The following DENND1A variants were observed in gnomAD, a reference collection of about 807,000 sequenced individuals.
DENND1A encodes DENN domain-containing protein 1A.
A neutral mutation model predicts 113.7 loss-of-function variants in DENND1A; 51 were observed. That is an observed-to-expected ratio of 0.45 (90% CI 0.36 to 0.57). DENND1A has a LOEUF of 0.57. DENND1A is among the 20% of genes least tolerant of loss of function. DENND1A has a pLI of 0.00. For synonymous variants in DENND1A, 565 were observed against 570.8 expected (o/e 0.99, Z 0.14); for missense variants, 1,258 against 1,395.9 (o/e 0.90, Z 1.57).
chr9:123,671,506 C>T, intron 6 of DENND1A, 135 bp from the exon 7 acceptor site: 2 of 798,214 alleles, frequency 2.5e-6, no homozygotes, highest in Non-Finnish European at 4.0e-6. Context: ...GTTTGATATT[C>T]ATGTAGGGTT....
intron 5 of DENND1A, among the ~76,000 whole-genome samples, chr9:123,726,726 G>A (rs2067737011): frequency 6.6e-6 from 1 of 152,230 alleles, no homozygotes; most frequent in African/African-American, 2.4e-5. Flanking sequence ...TCTTAAATAT[G>A]GATTTTTAGC....
rs150639785 is a variant in DENND1A at position 123,622,211 on chromosome 9, TG to T, written c.719+8164del. On this transcript the variant is annotated intron_variant, in intron 10 of 23. Transcript: ENST00000394215. ...CTTGGCTTTTGACCTGACTGTCCTTTGGGGGAAAAGCATGAGCTTGTCTTGA... is the reference window on the plus strand; with the variant it reads ...CTTGGCTTTTGACCTGACTGTCCTTTGGGGAAAAGCATGAGCTTGTCTTGA... Among the ~76,000 whole-genome samples, 212 of 152,338 alleles carry T rather than the reference TG, an allele frequency of 1.4e-3. 1 individual carries two copies. In the East Asian group the frequency reaches 0.035, roughly 25 times the overall value.
At chr9:123,806,780 G>T (rs1835651321) in intron 2 of DENND1A, among the ~76,000 whole-genome samples, 1 of 152,114 alleles carries the variant, frequency 6.6e-6, no homozygotes, top group South Asian at 2.1e-4. Flanking sequence ...CTGGAAAAAG[G>T]CCTAGCATAT....
At position 123,470,216 on chromosome 9, in the gene DENND1A, C is replaced by T. The variant is rs575057576; in HGVS notation, c.994-12319G>A. Among the ~76,000 whole-genome samples, 79 of 152,272 alleles carry T rather than the reference C, an allele frequency of 5.2e-4. 2 individuals are homozygous for T. The South Asian group carries it at 0.014, about 28-fold the overall frequency. On this transcript the variant is annotated intron_variant, in intron 13 of 23. Transcript: ENST00000394215. ...TACATAGGGTGAGTCCACAGTGCAG[C>T]GGTGGCGCAAGGTGAGAGCTGACAT...
chr9:123,548,299 C>T (rs553916994), intron 13 of DENND1A, among the ~76,000 whole-genome samples: 1 of 152,198 alleles, frequency 6.6e-6, no homozygotes. Context: ...CTGCAGTCCC[C>T]TTTACACTCC....
chr9:123,599,828 T>C (rs530301021), intron 11 of DENND1A, among the ~76,000 whole-genome samples: 2 of 152,344 alleles, frequency 1.3e-5, no homozygotes, highest in African/African-American at 4.8e-5. Context: ...CCAAATCAAT[T>C]ATTTTAGGTC....
chr9:123,693,373 G>A (rs747558820), intron 5 of DENND1A, among the ~76,000 whole-genome samples: 15 of 152,032 alleles, frequency 9.9e-5, no homozygotes, highest in Non-Finnish European at 1.5e-4. Context: ...TGCCCACATC[G>A]GTGTAACAAC....
intron 5 of DENND1A, among the ~76,000 whole-genome samples, chr9:123,738,894 AAAG>A (rs1468129803): frequency 6.6e-6 from 1 of 152,212 alleles, no homozygotes; most frequent in Non-Finnish European, 1.5e-5. Flanking sequence ...ATACTATGGA[AAAG>A]AATTGGGATT....
intron 3 of DENND1A, among the ~76,000 whole-genome samples, chr9:123,787,973 A>G (rs1486444018): frequency 6.6e-6 from 1 of 152,120 alleles, no homozygotes; most frequent in Non-Finnish European, 1.5e-5. Context: ...CTGCAACTCT[A>G]AACAGCAATC....
intron 3 of DENND1A, among the ~76,000 whole-genome samples, chr9:123,777,490 A>G (rs1346190487): frequency 3.3e-5 from 5 of 152,254 alleles, no homozygotes; most frequent in Non-Finnish European, 7.3e-5. Flanking sequence ...CACATACATA[A>G]GTACAAAATT....
chr9:123,616,923 A>T (rs545754049), intron 10 of DENND1A, among the ~76,000 whole-genome samples: 73 of 152,384 alleles, frequency 4.8e-4, no homozygotes, highest in African/African-American at 1.7e-3. Context: ...GCATTATTGC[A>T]TATGCGCAAA....
chr9:123,529,410 T>C (rs2055116035), intron 13 of DENND1A, among the ~76,000 whole-genome samples: 1 of 152,188 alleles, frequency 6.6e-6, no homozygotes, highest in African/African-American at 2.4e-5. Flanking sequence ...TTTTTTATAT[T>C]TATAGACTAG....
chr9:123,912,349 T>C (rs1854158621), intron 1 of DENND1A, among the ~76,000 whole-genome samples: 1 of 152,146 alleles, frequency 6.6e-6, no homozygotes, highest in African/African-American at 2.4e-5. Context: ...CCCTGGGTTT[T>C]TCCTTGCCTC....
intron 13 of DENND1A, among the ~76,000 whole-genome samples, chr9:123,527,525 A>G (rs1254568848): frequency 6.6e-6 from 1 of 151,936 alleles, no homozygotes; most frequent in Non-Finnish European, 1.5e-5. Flanking sequence ...CCTCTCACCT[A>G]TCCCTGGCTA....
At chr9:123,498,470 G>A (rs577130471) in intron 13 of DENND1A, among the ~76,000 whole-genome samples, 1 of 152,350 alleles carries the variant, frequency 6.6e-6, no homozygotes, top group South Asian at 2.1e-4. Context: ...GATCAGAGCT[G>A]GGATTTCAAT....
At chr9:123,408,915 C>G (rs10818818) in intron 20 of DENND1A, among the ~76,000 whole-genome samples, 45,656 of 152,090 alleles carry the variant, frequency 0.3, 6,931 homozygotes, top group Admixed American at 0.35. Context: ...ATTCCCTGCC[C>G]GCCTTGGATC....
At chr9:123,584,031 TG>T (rs1456403466) in intron 11 of DENND1A, among the ~76,000 whole-genome samples, 2 of 152,104 alleles carry the variant, frequency 1.3e-5, no homozygotes, top group Non-Finnish European at 2.9e-5. Context: ...GGGTGTAGCC[TG>T]AGTTTTAAAT....
intron 8 of DENND1A, chr9:123,652,360 C>G: frequency 2.4e-6 from 1 of 424,886 alleles, no homozygotes; most frequent in Non-Finnish European, 4.3e-6. Context: ...GTGGTGATTA[C>G]AACATGAGGT....
chr9:123,435,588 CA>C (rs1035342862), intron 19 of DENND1A, among the ~76,000 whole-genome samples: 2 of 152,212 alleles, frequency 1.3e-5, no homozygotes, highest in African/African-American at 4.8e-5. Context: ...GGAAGGCAGG[CA>C]ACTACTTTGT....
Sources: allele counts gnomAD v4.1 joint callset (sites outside exome capture counted in the v4.1 genomes callset), GRCh38; gene constraint gnomAD v4.1.1; transcripts MANE v1.5; gene names NCBI Gene and HGNC (gene_info 2026-07-23, HGNC 2026-07-21).